The following COPS6 variants were observed in gnomAD, a reference collection of about 807,000 sequenced individuals.
COPS6 encodes COP9 signalosome subunit 6, also known as COP9 signalosome complex subunit 6.
A neutral mutation model predicts 41.0 loss-of-function variants in COPS6; 9 were observed. The observed-to-expected ratio is 0.22, with a 90% CI of 0.13 to 0.38. COPS6 has a LOEUF of 0.38. Ranked by LOEUF, COPS6 falls within the 10% of genes least tolerant of loss-of-function variation. The pLI is 1.00. For synonymous variants in COPS6, 179 were observed against 162.9 expected, an observed-to-expected ratio of 1.10 and a Z score of -0.75; for missense variants, 302 against 436.7, an observed-to-expected ratio of 0.69 and a Z score of 2.75.
rs1465450009 is a variant in COPS6, at chr7:100,090,442, C to A, written c.378C>A (p.Thr126=). ...AGCTGGAGTTTCTGGGTTGGTATACCACAGGGGGGCCACCTGACCCCTCGG... is the reference window on the plus strand; with the variant it reads ...AGCTGGAGTTTCTGGGTTGGTATACAACAGGGGGGCCACCTGACCCCTCGG... ...FKELEFLGWY[T]TGGPPDPSDI... is the part of the protein sequence containing the mutation. Residue 126 remains threonine (T), a synonymous_variant, in exon 4 of 10, where the codon ACC becomes ACA. Coordinates refer to ENST00000303904, the MANE Select transcript of COPS6 (RefSeq NM_006833.5). The A allele has an allele frequency of 6.2e-7, 1 of 1,613,866 alleles. No individual in the cohort carries two copies. Among genetic ancestry groups the A allele is most frequent in the African/African-American group, 1.3e-5 (1 of 74,840 alleles).
Position 100,091,588 on chromosome 7 carries a change from G to T in COPS6, c.844-61G>T. The T allele has an allele frequency of 1.2e-6, 2 of 1,613,732 alleles. No homozygotes were observed. The highest frequency in any genetic ancestry group is 1.7e-6 in the Non-Finnish European group (2 of 1,179,644). On this transcript the variant is annotated intron_variant, in intron 9 of 9. Coordinates refer to ENST00000303904, the MANE Select transcript of COPS6 (RefSeq NM_006833.5). This position sits in a 1 kb window ranked among gnomAD's most constrained non-coding sequence, Gnocchi z 4.1. ...ACTTTCACGTGCAGGACTGGGGACT[G>T]TTGTTCCCCGGGCATGCCACGAGGG...
rs564113623 is a variant in COPS6, at chr7:100,092,061, A to C, written c.*272A>C. 1.5e-4 allele frequency: 72 copies of C among 482,806 alleles called. No homozygotes were observed. The highest frequency in any genetic ancestry group is 1.9e-4 in the Non-Finnish European group (51 of 266,632). 29.9% of individuals were successfully genotyped at this position (482,806 alleles called of 1,614,324 possible). On this transcript the variant is annotated 3_prime_UTR_variant, in exon 10 of 10. Coordinates refer to ENST00000303904, the MANE Select transcript of COPS6 (RefSeq NM_006833.5). ...AAGTGACCCCATGTCAGTCACATGG[A>C]CTGGTCTTTAGCAAAGTCCAAGGCT...
rs1205362615 is a variant in COPS6 at position 100,090,383 on chromosome 7, GCCCCTT to G, written c.335-10_335-5del. The G allele has an allele frequency of 5.7e-6, 9 of 1,585,894 alleles. No homozygotes were observed. The highest frequency in any genetic ancestry group is 7.8e-6 in the Non-Finnish European group (9 of 1,154,666). ...AAAAAAAGAATTACTATATGTTCTGGCCCCTTCCCCTCTAGTTAAACAGGTGTTCAA... is the reference window on the plus strand; with the variant it reads ...AAAAAAAGAATTACTATATGTTCTGGCCCCTCTAGTTAAACAGGTGTTCAA... On this transcript the variant is annotated splice_polypyrimidine_tract_variant and intron_variant, in intron 3 of 9. Coordinates refer to ENST00000303904, the MANE Select transcript of COPS6 (RefSeq NM_006833.5).
chr7:100,090,212 G>A, intron 3 of COPS6, 187 bp from the exon 4 acceptor site: 1 of 589,628 alleles, frequency 1.7e-6, no homozygotes, highest in Non-Finnish European at 3.0e-6. Context: ...GTCTGGCATG[G>A]TGGTGCGTGC....
Position 100,089,363 on chromosome 7 carries a change from C to T in COPS6, c.150C>T (p.Asn50=), listed in dbSNP as rs746980015. Residue 50 remains asparagine, a synonymous_variant, in exon 2 of 10, where the codon AAC becomes AAT. Coordinates refer to ENST00000303904, the MANE Select transcript of COPS6 (RefSeq NM_006833.5). ...SVALHPLVIL[N]ISDHWIRMRS... ...CTCTCCATCCCCTTGTCATTCTCAA[C>T]ATCTCAGACCACTGGATCCGCATGC... 15 of 1,614,028 alleles carry T rather than the reference C, an allele frequency of 9.3e-6. No individual in the cohort carries two copies. The highest frequency in any genetic ancestry group is 6.7e-5 in the Admixed American group (4 of 59,990).
intron 2 of COPS6, 50 bp downstream of exon 2, chr7:100,089,465 A>G (rs1386820597): frequency 2.5e-6 from 4 of 1,611,668 alleles, no homozygotes; most frequent in East Asian, 2.2e-5. Context: ...CACCTCCCCC[A>G]GGCAGTGGTC....
Position 100,091,933 on chromosome 7 carries a change from A to T in COPS6, c.*144A>T. 2.0e-6 allele frequency: 2 copies of T among 1,022,042 alleles called. No homozygotes were observed. Among genetic ancestry groups the T allele is most frequent in the Middle Eastern group, 3.1e-4 (1 of 3,216 alleles). The allele number at this position is 1,022,042 out of a possible 1,614,324, so 63.3% of individuals were successfully genotyped here. ...CCTGCTGGTGGCTCTGTCCTCTGTT[A>T]GGCACCACACTGGTTGGTCAACTTG... On this transcript the variant is annotated 3_prime_UTR_variant, in exon 10 of 10. Transcript: ENST00000303904. This position sits in a 1 kb window ranked among gnomAD's most constrained non-coding sequence, Gnocchi z 4.1.
intron 3 of COPS6, 190 bp from the exon 4 acceptor site, chr7:100,090,209 A>G: frequency 1.7e-6 from 1 of 586,358 alleles, no homozygotes; most frequent in Non-Finnish European, 3.0e-6. Flanking sequence ...TTAGTCTGGC[A>G]TGGTGGTGCG....
rs963028343 is a variant in COPS6, at chr7:100,091,884, A to G, written c.*95A>G. ...TTGAGAGAAACCGCTGTCATTAATA[A>G]AAGGGGAGCAGCCCCTGAGCACCCC... On this transcript the variant is annotated 3_prime_UTR_variant, in exon 10 of 10. Coordinates refer to ENST00000303904, the MANE Select transcript of COPS6 (RefSeq NM_006833.5). This position sits in a 1 kb window ranked among gnomAD's most constrained non-coding sequence, Gnocchi z 4.1. The G allele has an allele frequency of 3.3e-6, 5 of 1,527,018 alleles. No homozygotes were observed. Among genetic ancestry groups the G allele is most frequent in the East Asian group, 2.3e-5 (1 of 44,076 alleles). The allele number at this position is 1,527,018 out of a possible 1,614,324, so 94.6% of individuals were successfully genotyped here. A position where few individuals can be genotyped will look rare whatever the true frequency, so the allele number is the denominator to read the frequency against.
chr7:100,090,238 C>T (rs913839895), intron 3 of COPS6, 161 bp from the exon 4 acceptor site: 9 of 613,442 alleles, frequency 1.5e-5, no homozygotes, highest in Non-Finnish European at 2.0e-5. Flanking sequence ...GTCCCAGCTA[C>T]GCGGGATGCT....
chr7:100,091,503 A>G lies in COPS6; in HGVS notation c.826A>G (p.Lys276Glu), dbSNP rs754888968. The G allele has an allele frequency of 6.2e-7, 1 of 1,614,202 alleles. No individual in the cohort carries two copies. Among genetic ancestry groups the G allele is most frequent in the Non-Finnish European group, 8.5e-7 (1 of 1,180,024 alleles). Reference protein sequence around the residue: ...CLPVLSTDKFKTDFYDQCNDV... With the variant: ...CLPVLSTDKFETDFYDQCNDV... Reference sequence around the variant, plus strand: ...CCCGGTGCTCAGCACAGACAAGTTCAAGACAGATTTTTATGATGTGAGTGT... The same window carrying G: ...CCCGGTGCTCAGCACAGACAAGTTCGAGACAGATTTTTATGATGTGAGTGT... The change falls in exon 9 of 10, where the codon AAG (lysine) becomes GAG (glutamate). Residue 276 changes from lysine to glutamate, a missense_variant. Transcript: ENST00000303904. The surrounding 1 kb of genome is among the most constrained non-coding windows in gnomAD (Gnocchi z 4.1).
chr7:100,091,168 C>T lies in COPS6; in HGVS notation c.649+16C>T. ...AACTCCACTGGTAATGGAGGGGATT[C>T]CTTGGAAGTGGGGTTGGAAGGTGTG... On this transcript the variant is annotated intron_variant, in intron 7 of 9. Coordinates refer to ENST00000303904, the MANE Select transcript of COPS6 (RefSeq NM_006833.5). The surrounding 1 kb of genome is among the most constrained non-coding windows in gnomAD (Gnocchi z 4.1). 2 of 1,613,810 alleles carry T rather than the reference C, an allele frequency of 1.2e-6. No homozygotes were observed. Among genetic ancestry groups the T allele is most frequent in the Non-Finnish European group, 1.7e-6 (2 of 1,179,666 alleles).
Position 100,089,021 on chromosome 7 carries a change from A to T in COPS6, c.31A>T (p.Thr11Ser). The T allele has an allele frequency of 7.6e-7, 1 of 1,321,524 alleles. No homozygotes were observed. The highest frequency in any genetic ancestry group is 3.1e-5 in the East Asian group (1 of 32,378). The allele number at this position is 1,321,524 out of a possible 1,614,324, so 81.9% of individuals were successfully genotyped here. A position where few individuals can be genotyped will look rare whatever the true frequency, so the allele number is the denominator to read the frequency against. MAAAAAAAAA[T>S]NGTGGSSGME... Reference sequence around the variant, plus strand: ...GGCGGCGGCGGCGGCGGCTGCAGCTACGAACGGGACCGGAGGAAGCAGCGG... The same window carrying T: ...GGCGGCGGCGGCGGCGGCTGCAGCTTCGAACGGGACCGGAGGAAGCAGCGG... The change falls in exon 1 of 10, where the codon ACG (threonine) becomes TCG (serine). Residue 11 changes from threonine (T) to serine (S), a missense_variant. Coordinates refer to ENST00000303904, the MANE Select transcript of COPS6 (RefSeq NM_006833.5).
Position 100,089,300 on chromosome 7 carries a change from C to T in COPS6, c.87C>T (p.Ser29=). The T allele has an allele frequency of 6.2e-7, 1 of 1,613,956 alleles. No homozygotes were observed. The highest frequency in any genetic ancestry group is 8.5e-7 in the Non-Finnish European group (1 of 1,179,960). Residue 29 remains serine, a synonymous_variant, in exon 2 of 10, where the codon AGC becomes AGT. Coordinates refer to ENST00000303904, the MANE Select transcript of COPS6 (RefSeq NM_006833.5). Reference sequence around the variant, plus strand: ...TCCCTCCACCCTTAGTAGTCCCCAGCGTGATGGCCTGCGGAGTGACTGGGA... The same window carrying T: ...TCCCTCCACCCTTAGTAGTCCCCAGTGTGATGGCCTGCGGAGTGACTGGGA... ...GMEVDAAVVP[S]VMACGVTGSV...
intron 5 of COPS6, 57 bp from the exon 6 acceptor site, chr7:100,090,845 A>G (rs1795304785): frequency 6.3e-7 from 1 of 1,591,892 alleles, no homozygotes; most frequent in Non-Finnish European, 8.6e-7. Context: ...AAATGTGTAA[A>G]AGCAGCTAGC....
chr7:100,090,738 T>C, intron 5 of COPS6, 84 bp downstream of exon 5: 2 of 1,478,010 alleles, frequency 1.4e-6, no homozygotes, highest in Non-Finnish European at 1.9e-6. Flanking sequence ...GAATGCCAGA[T>C]GCCACTTACC....
In COPS6 at chr7:100,089,340, C is replaced by T. The variant is rs1190593465; in HGVS notation, c.127C>T (p.Leu43Phe). The stretch of plus-strand genomic sequence containing the variant: ...AGTGACTGGGAGTGTTTCCGTCGCT[C>T]TCCATCCCCTTGTCATTCTCAACAT... ...CGVTGSVSVA[L>F]HPLVILNISD... is the part of the protein sequence containing the mutation. Residue 43 changes from leucine (L) to phenylalanine (F), a missense_variant, in exon 2 of 10, where the codon CTC becomes TTC. By Grantham distance (22) the Leu-to-Phe change is conservative (BLOSUM62 0). Coordinates refer to ENST00000303904, the MANE Select transcript of COPS6 (RefSeq NM_006833.5). 1 of 1,613,994 alleles carries T rather than the reference C, an allele frequency of 6.2e-7. No individual in the cohort carries two copies. Among genetic ancestry groups the T allele is most frequent in the African/African-American group, 1.3e-5 (1 of 74,910 alleles).
chr7:100,091,161 G>A lies in COPS6; in HGVS notation c.649+9G>A. 6.2e-7 allele frequency: 1 copy of A among 1,613,988 alleles called. No individual in the cohort carries two copies. The highest frequency in any genetic ancestry group is 8.5e-7 in the Non-Finnish European group (1 of 1,179,834). ...TGGAGAGAACTCCACTGGTAATGGA[G>A]GGGATTCCTTGGAAGTGGGGTTGGA... On this transcript the variant is annotated intron_variant, in intron 7 of 9. Coordinates refer to ENST00000303904, the MANE Select transcript of COPS6 (RefSeq NM_006833.5). This position sits in a 1 kb window ranked among gnomAD's most constrained non-coding sequence, Gnocchi z 4.1.
In COPS6 at chr7:100,091,839, G is replaced by T. The variant is rs766355173; in HGVS notation, c.*50G>T. On this transcript the variant is annotated 3_prime_UTR_variant, in exon 10 of 10. Transcript: ENST00000303904. The surrounding 1 kb of genome is among the most constrained non-coding windows in gnomAD (Gnocchi z 4.1). Reference sequence around the variant, plus strand: ...ACAGGGGTCAGGCAACTATCCCAAAGGGGAGGGCACTACACTTCCTTGAGA... The same window carrying T: ...ACAGGGGTCAGGCAACTATCCCAAATGGGAGGGCACTACACTTCCTTGAGA... The T allele has an allele frequency of 6.2e-7, 1 of 1,611,672 alleles. No homozygotes were observed. Among genetic ancestry groups the T allele is most frequent in the South Asian group, 1.1e-5 (1 of 90,970 alleles).
Sources: allele counts gnomAD v4.1 joint callset, GRCh38; gene constraint gnomAD v4.1.1; non-coding constraint Gnocchi (gnomAD v3.1); transcripts MANE v1.5; gene names NCBI Gene and HGNC (gene_info 2026-07-23, HGNC 2026-07-21).